Variants in EXOC2 observed in about 807,000 individuals in gnomAD.
The protein encoded by EXOC2 is exocyst complex component 2.
Under a neutral mutation model 131.8 loss-of-function variants are expected in EXOC2, and 70 were observed. The observed-to-expected ratio is 0.53, with a 90% CI of 0.44 to 0.65. The LOEUF (loss-of-function observed/expected upper bound fraction) is 0.65. Among genes scored for constraint, EXOC2 ranks in the 30% least tolerant of loss-of-function variants. The pLI, the probability that EXOC2 is intolerant of heterozygous loss-of-function variation, is 0.00. For synonymous variants in EXOC2, 411 were observed against 398.4 expected, an observed-to-expected ratio of 1.03 and a Z score of -0.38; for missense variants, 923 against 1,108.6, an observed-to-expected ratio of 0.83 and a Z score of 2.38.
chr6:545,755 T>C (rs1011927857), intron 22 of EXOC2, among the ~76,000 whole-genome samples: 3 of 152,226 alleles, frequency 2.0e-5, no homozygotes, highest in African/African-American at 7.2e-5. Flanking sequence ...ATTAGACATG[T>C]GATCAAAGAT....
At chr6:517,398 C>A (rs1328499165) in intron 23 of EXOC2, among the ~76,000 whole-genome samples, 1 of 152,106 alleles carries the variant, frequency 6.6e-6, no homozygotes, top group Non-Finnish European at 1.5e-5. Context: ...TACATCATGA[C>A]TTCATAAAGG....
intron 11 of EXOC2, among the ~76,000 whole-genome samples, chr6:582,477 C>T (rs1006275184): frequency 2.0e-5 from 3 of 152,112 alleles, no homozygotes; most frequent in Admixed American, 6.5e-5. Flanking sequence ...AACACATTTT[C>T]CTGCGCACAG....
At chr6:503,246 CAT>C (rs1215702575) in intron 23 of EXOC2, among the ~76,000 whole-genome samples, 4 of 151,524 alleles carry the variant, frequency 2.6e-5, no homozygotes, top group African/African-American at 9.7e-5. Flanking sequence ...ATTCAACTAA[CAT>C]AAATTCATTG....
At position 617,797 on chromosome 6, in the gene EXOC2, C is replaced by A. The variant is rs754717150; in HGVS notation, c.575G>T (p.Arg192Ile). The A allele has an allele frequency of 1.2e-6, 2 of 1,613,564 alleles. No homozygotes were observed. Among genetic ancestry groups the A allele is most frequent in the Non-Finnish European group, 1.7e-6 (2 of 1,179,784 alleles). ...GCCCTCACTCTTCTTGTTAGCCTGTCTCTTTAGGTTGGTGACTGCCATTTT... is the reference window on the plus strand; with the variant it reads ...GCCCTCACTCTTCTTGTTAGCCTGTATCTTTAGGTTGGTGACTGCCATTTT... The part of the protein sequence containing the change: ...QLKMAVTNLK[R>I]QANKKSEGSL... The change falls in exon 6 of 28, where the codon AGA becomes ATA. Residue 192 changes from arginine to isoleucine, a missense_variant. By Grantham distance (97) the Arg-to-Ile change is moderately conservative. Coordinates refer to ENST00000230449, the MANE Select transcript of EXOC2 (RefSeq NM_018303.6).
intron 4 of EXOC2, among the ~76,000 whole-genome samples, chr6:619,930 A>T (rs1188962274): frequency 6.6e-6 from 1 of 152,210 alleles, no homozygotes; most frequent in East Asian, 1.9e-4. Context: ...TGAAATTCTA[A>T]AATATTAAAT....
intron 25 of EXOC2, among the ~76,000 whole-genome samples, chr6:495,334 C>CA (rs1763661242): frequency 6.6e-6 from 1 of 151,970 alleles, no homozygotes; most frequent in Admixed American, 6.5e-5. Context: ...CCGTGTTAGC[C>CA]AGGATGGTCT....
At chr6:490,090 A>C (rs1181810000) in intron 26 of EXOC2, among the ~76,000 whole-genome samples, 1 of 152,240 alleles carries the variant, frequency 6.6e-6, no homozygotes, top group Non-Finnish European at 1.5e-5. Flanking sequence ...TAATTGAAAG[A>C]AATGTGATGT....
chr6:487,925 C>T (rs1045275451), intron 27 of EXOC2, among the ~76,000 whole-genome samples: 1 of 152,222 alleles, frequency 6.6e-6, no homozygotes, highest in Non-Finnish European at 1.5e-5. Context: ...CTTTTGAGCC[C>T]TGTTCCACAT....
chr6:690,171 G>A (rs9504780), intron 1 of EXOC2, among the ~76,000 whole-genome samples: 22,031 of 152,100 alleles, frequency 0.14, 1,778 homozygotes, highest in African/African-American at 0.21. Flanking sequence ...CCTGGGCAAC[G>A]TAGGAAGACC....
chr6:556,938 C>T (rs1757447845), intron 17 of EXOC2, among the ~76,000 whole-genome samples: 1 of 152,158 alleles, frequency 6.6e-6, no homozygotes, highest in Non-Finnish European at 1.5e-5. Flanking sequence ...TGAGCTGAGT[C>T]TCCTAGATCT....
chr6:661,909 T>C (rs150073140), intron 1 of EXOC2, among the ~76,000 whole-genome samples: 209 of 152,262 alleles, frequency 1.4e-3, no homozygotes, highest in African/African-American at 4.7e-3. Flanking sequence ...TTCAGGAGAC[T>C]CAGCTAACAC....
intron 25 of EXOC2, 70 bp from the exon 26 acceptor site, chr6:491,256 T>A: frequency 1.3e-6 from 2 of 1,515,628 alleles, no homozygotes; most frequent in Non-Finnish European, 1.8e-6. Context: ...AGTACTAAGG[T>A]TAAGGGTCTC....
chr6:487,464 T>C (rs1376008384), intron 27 of EXOC2, among the ~76,000 whole-genome samples: 1 of 152,190 alleles, frequency 6.6e-6, no homozygotes, highest in African/African-American at 2.4e-5. Context: ...TGGAGTGCAG[T>C]GGCGCGATTT....
rs1042222898 is a variant in EXOC2, at chr6:555,236, T to C, written c.2045A>G (p.Asp682Gly). 24 of 1,516,138 alleles carry C rather than the reference T, an allele frequency of 1.6e-5. No individual in the cohort carries two copies. The highest frequency in any genetic ancestry group is 2.1e-5 in the Non-Finnish European group (23 of 1,116,994). 93.9% of individuals were successfully genotyped at this position (1,516,138 alleles called of 1,614,324 possible). Residue 682 changes from aspartate to glycine, a missense_variant, in exon 20 of 28, where the codon GAT (aspartate) becomes GGT (glycine). Transcript: ENST00000230449. Reference sequence around the variant, plus strand: ...TTTAATTTTTACTTACTGTGTAGTATCTATATCTGCATCAGGCTTGGTGCT... The same window carrying C: ...TTTAATTTTTACTTACTGTGTAGTACCTATATCTGCATCAGGCTTGGTGCT... ...QLSTKPDADIDTTHLSVDVSS... is the reference protein window; with the variant it reads ...QLSTKPDADIGTTHLSVDVSS...
chr6:497,261 G>C (rs544524997), intron 25 of EXOC2, 106 bp downstream of exon 25: 1 of 968,854 alleles, frequency 1.0e-6, no homozygotes, highest in Non-Finnish European at 1.6e-6. Context: ...TCAATCAGTA[G>C]ATCCATTAAA....
intron 26 of EXOC2, 119 bp from the exon 27 acceptor site, chr6:489,157 A>AG (rs1416294137): frequency 1.1e-6 from 1 of 930,346 alleles, no homozygotes; most frequent in Non-Finnish European, 1.6e-6. Flanking sequence ...AGGAAATATG[A>AG]GAAAAAGTAA....
chr6:488,425 A>G (rs1312984449), intron 27 of EXOC2, among the ~76,000 whole-genome samples: 1 of 152,178 alleles, frequency 6.6e-6, no homozygotes, highest in African/African-American at 2.4e-5. Context: ...TTCCTGTTCT[A>G]TGAGTAGTAA....
chr6:640,993 A>T (rs1762328012), intron 1 of EXOC2, among the ~76,000 whole-genome samples: 1 of 152,214 alleles, frequency 6.6e-6, no homozygotes, highest in African/African-American at 2.4e-5. Context: ...AATGAATCCA[A>T]GAATAAAAGC....
chr6:502,163 C>T (rs1435939437), intron 23 of EXOC2, among the ~76,000 whole-genome samples: 3 of 152,178 alleles, frequency 2.0e-5, no homozygotes, highest in Non-Finnish European at 4.4e-5. Context: ...TACATACTTA[C>T]TGAAAATCGA....
Sources: allele counts gnomAD v4.1 joint callset (sites outside exome capture counted in the v4.1 genomes callset), GRCh38; gene constraint gnomAD v4.1.1; transcripts MANE v1.5; gene names NCBI Gene and HGNC (gene_info 2026-07-23, HGNC 2026-07-21).